Variants in TRPM3 observed in about 807,000 individuals in gnomAD.
TRPM3 encodes the protein long transient receptor potential channel 3.
TRPM3 carries 77 observed loss-of-function variants against 181.2 expected under a neutral mutation model. That is an observed-to-expected ratio of 0.42 (90% CI 0.35 to 0.51). The LOEUF (loss-of-function observed/expected upper bound fraction) is 0.51. Among genes scored for constraint, TRPM3 ranks in the 20% least tolerant of loss-of-function variants. The pLI is 0.01. For synonymous variants in TRPM3, 745 were observed against 796.4 expected, an observed-to-expected ratio of 0.94 and a Z score of 1.09; for missense variants, 1,759 against 2,196.7, an observed-to-expected ratio of 0.80 and a Z score of 3.98.
chr9:71,304,873 C>A (rs920025669), intron 1 of TRPM3, among the ~76,000 whole-genome samples: 5 of 152,152 alleles, frequency 3.3e-5, no homozygotes, highest in African/African-American at 1.2e-4. Flanking sequence ...TCATTTTGAT[C>A]ATGGTCTTCT....
chr9:70,689,805 G>A (rs145763432), intron 8 of TRPM3, among the ~76,000 whole-genome samples: 5 of 152,134 alleles, frequency 3.3e-5, no homozygotes, highest in African/African-American at 1.2e-4. Context: ...ATAATTTTAT[G>A]TTTGAAAAGA....
chr9:71,357,277 T>C (rs2091941069), intron 1 of TRPM3, among the ~76,000 whole-genome samples: 1 of 152,196 alleles, frequency 6.6e-6, no homozygotes, highest in Admixed American at 6.5e-5. Flanking sequence ...CAAAAGGCAC[T>C]ATGTCTAAAT....
chr9:70,923,097 G>C (rs2096674783), intron 1 of TRPM3, among the ~76,000 whole-genome samples: 1 of 151,756 alleles, frequency 6.6e-6, no homozygotes, highest in African/African-American at 2.4e-5. Context: ...CCTATCCAGG[G>C]GCAATGAAGT....
chr9:71,072,890 A>C (rs2062961497), intron 1 of TRPM3, among the ~76,000 whole-genome samples: 1 of 152,200 alleles, frequency 6.6e-6, no homozygotes, highest in Non-Finnish European at 1.5e-5. Flanking sequence ...TGAACTTGTG[A>C]TCAATTAAGC....
At chr9:70,789,051 A>G (rs751699212) in intron 6 of TRPM3, among the ~76,000 whole-genome samples, 1 of 151,890 alleles carries the variant, frequency 6.6e-6, no homozygotes, top group Non-Finnish European at 1.5e-5. Context: ...CTCTCTCTCC[A>G]TTCTCCTCTT....
chr9:70,621,644 G>T (rs1326239010), intron 14 of TRPM3, among the ~76,000 whole-genome samples: 1 of 152,100 alleles, frequency 6.6e-6, no homozygotes, highest in Non-Finnish European at 1.5e-5. Context: ...GGGATTATAG[G>T]CATGAGCCAC....
intron 1 of TRPM3, among the ~76,000 whole-genome samples, chr9:71,147,456 C>CACAG (rs1491219267): frequency 6.6e-6 from 1 of 151,164 alleles, no homozygotes; most frequent in Non-Finnish European, 1.5e-5. Flanking sequence ...CACACACACA[C>CACAG]AGCCAGCTAG....
At chr9:71,158,345 T>C (rs2076104294) in intron 1 of TRPM3, among the ~76,000 whole-genome samples, 1 of 152,104 alleles carries the variant, frequency 6.6e-6, no homozygotes, top group Non-Finnish European at 1.5e-5. Context: ...GTGATTTGAG[T>C]ACAACACTTC....
At chr9:70,700,171 A>T in intron 8 of TRPM3, among the ~76,000 whole-genome samples, 1 of 152,004 alleles carries the variant, frequency 6.6e-6, no homozygotes, top group East Asian at 1.9e-4. Context: ...TTAGTAGAGA[A>T]GGGCTTTCAC....
chr9:70,803,660 C>T (rs2089913959), intron 6 of TRPM3, among the ~76,000 whole-genome samples: 1 of 151,866 alleles, frequency 6.6e-6, no homozygotes, highest in Non-Finnish European at 1.5e-5. Flanking sequence ...CCGTGTTAGC[C>T]AGGATGGTCT....
At chr9:71,197,142 T>C (rs747989901) in intron 1 of TRPM3, among the ~76,000 whole-genome samples, 29 of 152,126 alleles carry the variant, frequency 1.9e-4, no homozygotes, top group Non-Finnish European at 3.5e-4. Context: ...GTCCTTGCGA[T>C]AGTTTACGGA....
intron 1 of TRPM3, among the ~76,000 whole-genome samples, chr9:71,224,488 C>T (rs952391166): frequency 1.3e-5 from 2 of 152,284 alleles, no homozygotes; most frequent in Non-Finnish European, 2.9e-5. Flanking sequence ...TTTCAATGCC[C>T]AGACACTTAT....
intron 1 of TRPM3, among the ~76,000 whole-genome samples, chr9:71,003,767 C>A (rs1017065214): frequency 1.3e-5 from 2 of 151,752 alleles, no homozygotes; most frequent in African/African-American, 2.4e-5. Flanking sequence ...TCACTCCCCC[C>A]GTAAAAATAC....
chr9:71,438,797 T>C (rs2094089434), intron 1 of TRPM3, among the ~76,000 whole-genome samples: 1 of 152,204 alleles, frequency 6.6e-6, no homozygotes, highest in Non-Finnish European at 1.5e-5. Context: ...GGGATATAGA[T>C]GAAGCAAGAT....
chr9:71,069,508 C>A (rs948845608), intron 1 of TRPM3, among the ~76,000 whole-genome samples: 7 of 150,340 alleles, frequency 4.7e-5, no homozygotes, highest in Non-Finnish European at 8.9e-5. Context: ...TATGAAAGTG[C>A]AAAAAGAAAT....
chr9:71,328,250 G>A (rs986788219), intron 1 of TRPM3, among the ~76,000 whole-genome samples: 4 of 152,026 alleles, frequency 2.6e-5, no homozygotes, highest in African/African-American at 7.2e-5. Context: ...TGCAAGCTCC[G>A]CCTCCCGGGT....
At chr9:71,401,852 A>T (rs548175684) in intron 1 of TRPM3, among the ~76,000 whole-genome samples, 1 of 152,340 alleles carries the variant, frequency 6.6e-6, no homozygotes, top group Admixed American at 6.5e-5. Context: ...ACTACGGACT[A>T]CTCAATAATT....
intron 1 of TRPM3, among the ~76,000 whole-genome samples, chr9:71,324,856 A>T (rs927253445): frequency 2.6e-5 from 4 of 152,140 alleles, no homozygotes; most frequent in Admixed American, 2.6e-4. Context: ...AAGTGAAACA[A>T]ATATTGCAGT....
At chr9:71,233,255 T>A (rs1465877791) in intron 1 of TRPM3, among the ~76,000 whole-genome samples, 1 of 152,184 alleles carries the variant, frequency 6.6e-6, no homozygotes, top group African/African-American at 2.4e-5. Context: ...GAATCACAGA[T>A]TTATGTTAAA....
Sources: allele counts gnomAD v4.1 joint callset (sites outside exome capture counted in the v4.1 genomes callset), GRCh38; gene constraint gnomAD v4.1.1; transcripts MANE v1.5; gene names NCBI Gene and HGNC (gene_info 2026-07-23, HGNC 2026-07-21).